Variants in KIRREL3 observed in about 807,000 individuals in gnomAD.
The protein encoded by KIRREL3 is kin of IRRE-like protein 3.
Under a neutral mutation model 89.7 loss-of-function variants are expected in KIRREL3, and 36 were observed. The ratio of observed to expected loss-of-function variants is 0.40; its 90% CI spans 0.31 to 0.53. The LOEUF (loss-of-function observed/expected upper bound fraction) is 0.53. KIRREL3 is among the 20% of genes least tolerant of loss of function. The pLI, the probability that KIRREL3 is intolerant of heterozygous loss-of-function variation, is 0.49. For missense variants in KIRREL3, 864 were observed against 1,056.6 expected (o/e 0.82, Z 2.53); for synonymous variants, 445 against 441.4 (o/e 1.01, Z -0.10).
chr11:126,688,693 G>C (rs1184081431), intron 1 of KIRREL3, among the ~76,000 whole-genome samples: 1 of 152,154 alleles, frequency 6.6e-6, no homozygotes, highest in Non-Finnish European at 1.5e-5. Context: ...TATACAGTCA[G>C]TTTTCTGTAA....
At chr11:126,600,498 G>A (rs1942603903) in intron 1 of KIRREL3, among the ~76,000 whole-genome samples, 1 of 152,210 alleles carries the variant, frequency 6.6e-6, no homozygotes, top group Admixed American at 6.5e-5. Context: ...TTGTTCCTCT[G>A]TATTTAAACT....
chr11:126,871,215 A>G (rs1565370782), intron 1 of KIRREL3, among the ~76,000 whole-genome samples: 1 of 152,134 alleles, frequency 6.6e-6, no homozygotes, highest in African/African-American at 2.4e-5. Context: ...CTTTGGAAGG[A>G]AGAATAAGCA....
Position 126,424,380 on chromosome 11 carries a change from C to T in KIRREL3, c.*200G>A. 2.1e-6 allele frequency: 1 copy of T among 466,948 alleles called. No homozygotes were observed. Among genetic ancestry groups the T allele is most frequent in the South Asian group, 2.0e-5 (1 of 49,066 alleles). 28.9% of individuals were successfully genotyped at this position (466,948 alleles called of 1,614,324 possible). A position where few individuals can be genotyped will look rare whatever the true frequency, so the allele number is the denominator to read the frequency against. On this transcript the variant is annotated 3_prime_UTR_variant, in exon 17 of 17. Transcript: ENST00000525144. ...CAGCCTCTGTCTGTCTCCCCACCCG[C>T]CCACCTCTGGCACACAGCACCTGGG...
intron 1 of KIRREL3, among the ~76,000 whole-genome samples, chr11:126,698,184 C>G: frequency 6.6e-6 from 1 of 152,294 alleles, no homozygotes; most frequent in Admixed American, 6.5e-5. Flanking sequence ...CTCCCTCCTG[C>G]GTATAATTAC....
At position 126,923,258 on chromosome 11, in the gene KIRREL3, CT is replaced by C. The variant is rs779952710; in HGVS notation, c.55+77196del. Reference sequence around the variant, plus strand: ...TCTTCTTCTTCTTCTTCTTCTTCTTCTTCTTCTTCTCCTTCTCCTTCTCCTT... The same window carrying C: ...TCTTCTTCTTCTTCTTCTTCTTCTTCTCTTCTTCTCCTTCTCCTTCTCCTT... On this transcript the variant is annotated intron_variant, in intron 1 of 16. Transcript: ENST00000525144. Among the ~76,000 whole-genome samples the C allele has an allele frequency of 8.3e-4, 81 of 97,496 alleles. 16 individuals are homozygous for C. The highest frequency in any genetic ancestry group is 9.3e-4 in the African/African-American group (20 of 21,394). 64.0% of individuals were successfully genotyped at this position (97,496 alleles called of 152,430 possible).
At chr11:126,472,729 A>AGAGAGAGAGAGAGAGAGAGAGC (rs1297311492) in intron 5 of KIRREL3, among the ~76,000 whole-genome samples, 4 of 151,680 alleles carry the variant, frequency 2.6e-5, no homozygotes, top group African/African-American at 9.7e-5. Context: ...AGAGAGAGAG[A>AGAGAGAGAGAGAGAGAGAGAGC]GAGCACAAGT....
rs1270578858 is a variant in KIRREL3, at chr11:126,614,574, G to T, written c.56-51662C>A. On this transcript the variant is annotated intron_variant, in intron 1 of 16. Transcript: ENST00000525144. The surrounding 1 kb of genome is among the most constrained non-coding windows in gnomAD (Gnocchi z 4.6). ...TGTCTCTACTAAACACTGCCCAGGT[G>T]GTTCTATCATCAAGCCAGAGATGAG... 6.6e-6 allele frequency among the ~76,000 whole-genome samples: 1 copy of T among 152,192 alleles called. No homozygotes were observed. Among genetic ancestry groups the T allele is most frequent in the African/African-American group, 2.4e-5 (1 of 41,448 alleles).
intron 1 of KIRREL3, among the ~76,000 whole-genome samples, chr11:126,767,326 A>G (rs1402418134): frequency 6.6e-6 from 1 of 152,226 alleles, no homozygotes; most frequent in Non-Finnish European, 1.5e-5. Flanking sequence ...GGCAGAACTC[A>G]TGTCAGTGGT....
Position 126,424,478 on chromosome 11 carries a change from TG to T in KIRREL3, c.*101del, listed in dbSNP as rs1245955514. The T allele has an allele frequency of 3.6e-6, 4 of 1,116,600 alleles. No individual in the cohort carries two copies. The highest frequency in any genetic ancestry group is 2.6e-5 in the East Asian group (1 of 39,052). 69.2% of individuals were successfully genotyped at this position (1,116,600 alleles called of 1,614,324 possible). A position where few individuals can be genotyped will look rare whatever the true frequency, so the allele number is the denominator to read the frequency against. On this transcript the variant is annotated 3_prime_UTR_variant, in exon 17 of 17. Transcript: ENST00000525144. Reference sequence around the variant, plus strand: ...AGGCGCTGGGAGGCTGTCCTGGAAGTGGCCAATTCTGGTGTCCTCTGCAAAG... The same window carrying T: ...AGGCGCTGGGAGGCTGTCCTGGAAGTGCCAATTCTGGTGTCCTCTGCAAAG...
rs1227617867 is a variant in KIRREL3, at chr11:126,953,270, G to C, written c.55+47185C>G. 6.6e-6 allele frequency among the ~76,000 whole-genome samples: 1 copy of C among 152,012 alleles called. No individual in the cohort carries two copies. The highest frequency in any genetic ancestry group is 1.5e-5 in the Non-Finnish European group (1 of 68,034). On this transcript the variant is annotated intron_variant, in intron 1 of 16. Coordinates refer to ENST00000525144, the MANE Select transcript of KIRREL3 (RefSeq NM_032531.4). This position sits in a 1 kb window ranked among gnomAD's most constrained non-coding sequence, Gnocchi z 5.2. ...ATATCACATGTTCTCACTCATAAGTGGGTGTCGAACAATGAGAACACATGG... is the reference window on the plus strand; with the variant it reads ...ATATCACATGTTCTCACTCATAAGTCGGTGTCGAACAATGAGAACACATGG...
chr11:126,479,954 A>G (rs1340248323), intron 4 of KIRREL3, among the ~76,000 whole-genome samples: 1 of 152,152 alleles, frequency 6.6e-6, no homozygotes, highest in Non-Finnish European at 1.5e-5. Flanking sequence ...GGCCAAGTGT[A>G]TAGGGCTTCT....
At chr11:126,692,855 T>C (rs998346874) in intron 1 of KIRREL3, among the ~76,000 whole-genome samples, 1 of 152,232 alleles carries the variant, frequency 6.6e-6, no homozygotes. Context: ...TCCTTGGATC[T>C]ACCCGCTTTG....
Position 126,912,738 on chromosome 11 carries a change from T to A in KIRREL3, c.55+87717A>T, listed in dbSNP as rs1946875158. Among the ~76,000 whole-genome samples the A allele has an allele frequency of 1.3e-5, 2 of 152,234 alleles. 1 individual carries two copies. The highest frequency in any genetic ancestry group is 4.1e-4 in the South Asian group (2 of 4,836). ...AGGCACAACAGAGCATCCTGCTGTA[T>A]CAGCCTAATTACCAGCCTCTCCTTC... On this transcript the variant is annotated intron_variant, in intron 1 of 16. Coordinates refer to ENST00000525144, the MANE Select transcript of KIRREL3 (RefSeq NM_032531.4). This position sits in a 1 kb window ranked among gnomAD's most constrained non-coding sequence, Gnocchi z 4.7.
At chr11:126,798,455 A>G (rs1197093247) in intron 1 of KIRREL3, among the ~76,000 whole-genome samples, 1 of 152,250 alleles carries the variant, frequency 6.6e-6, no homozygotes. Flanking sequence ...TTAGGTAAAC[A>G]CATTTTGGAA....
rs776573864 is a variant in KIRREL3, at chr11:126,656,331, T to A, written c.56-93419A>T. On this transcript the variant is annotated intron_variant, in intron 1 of 16. Coordinates refer to ENST00000525144, the MANE Select transcript of KIRREL3 (RefSeq NM_032531.4). This position sits in a 1 kb window ranked among gnomAD's most constrained non-coding sequence, Gnocchi z 4.0. Reference sequence around the variant, plus strand: ...GCAAAATAATTTAAATAAGATAATATGTTGAAAACTCTTAGCACCCAATAA... The same window carrying A: ...GCAAAATAATTTAAATAAGATAATAAGTTGAAAACTCTTAGCACCCAATAA... 6.6e-6 allele frequency among the ~76,000 whole-genome samples: 1 copy of A among 152,264 alleles called. No individual in the cohort carries two copies. Among genetic ancestry groups the A allele is most frequent in the African/African-American group, 2.4e-5 (1 of 41,472 alleles).
intron 1 of KIRREL3, among the ~76,000 whole-genome samples, chr11:126,658,792 G>A (rs1945269248): frequency 1.3e-5 from 2 of 152,146 alleles, no homozygotes; most frequent in South Asian, 4.1e-4. Context: ...CTGACGTTTG[G>A]TTAATCTACT....
In KIRREL3 at chr11:126,623,452, G is replaced by A. The variant is rs1005520473; in HGVS notation, c.56-60540C>T. ...TGTAAGTCCAAGTTCTTTGAAGGAA[G>A]GAACTATGTTGGTATTCTGTGATGT... is the stretch of plus-strand genomic sequence containing the variant. On this transcript the variant is annotated intron_variant, in intron 1 of 16. Coordinates refer to ENST00000525144, the MANE Select transcript of KIRREL3 (RefSeq NM_032531.4). This position sits in a 1 kb window ranked among gnomAD's most constrained non-coding sequence, Gnocchi z 4.1. Among the ~76,000 whole-genome samples the A allele has an allele frequency of 8.5e-5, 13 of 152,284 alleles. No homozygotes were observed. The highest frequency in any genetic ancestry group is 2.4e-4 in the African/African-American group (10 of 41,552).
In KIRREL3 at chr11:126,583,120, C is replaced by A. The variant is rs77187511; in HGVS notation, c.56-20208G>T. On this transcript the variant is annotated intron_variant, in intron 1 of 16. Transcript: ENST00000525144. ...ATGTGGACAGCTGGCTCCCCGGGCCCCATACCTCCTGTGTGCTCCTGGAGC... is the reference window on the plus strand; with the variant it reads ...ATGTGGACAGCTGGCTCCCCGGGCCACATACCTCCTGTGTGCTCCTGGAGC... Among the ~76,000 whole-genome samples the A allele has an allele frequency of 7.3e-3, 1,114 of 152,294 alleles. 3 individuals are homozygous for A. Among genetic ancestry groups the A allele is most frequent in the Non-Finnish European group, 0.011 (761 of 68,020 alleles).
chr11:126,445,732 G>A (rs1308199182), intron 9 of KIRREL3, among the ~76,000 whole-genome samples: 1 of 152,180 alleles, frequency 6.6e-6, no homozygotes, highest in Non-Finnish European at 1.5e-5. Context: ...CTACATAACA[G>A]GCCACACAAA....
Sources: gnomAD v4.1 joint callset for allele counts (sites outside exome capture counted in the v4.1 genomes callset) on GRCh38, gnomAD v4.1.1 for gene constraint, Gnocchi (gnomAD v3.1) non-coding constraint, MANE v1.5 for transcripts, NCBI Gene and HGNC (gene_info 2026-07-23, HGNC 2026-07-21) for gene names.